SLC12A1: variants seen among roughly 807,000 people sequenced by gnomAD.
The protein encoded by SLC12A1 is Na-K-2Cl cotransporter.
A neutral mutation model predicts 130.4 loss-of-function variants in SLC12A1; 89 were observed. That is an observed-to-expected ratio of 0.68 (90% CI 0.58 to 0.81). The LOEUF is 0.81. Ranked by LOEUF, SLC12A1 falls within the 40% of genes least tolerant of loss-of-function variation. The pLI, the probability that SLC12A1 is intolerant of heterozygous loss-of-function variation, is 0.00. For missense variants in SLC12A1, 1,310 were observed against 1,336.4 expected (o/e 0.98, Z 0.31); for synonymous variants, 499 against 460.0 (o/e 1.08, Z -1.09).
rs148652869 is a variant in SLC12A1, at chr15:48,275,473, G to C, written c.2485+820G>C. Among the ~76,000 whole-genome samples the C allele has an allele frequency of 4.8e-3, 732 of 152,122 alleles. 8 individuals are homozygous for C. The highest frequency in any genetic ancestry group is 0.044 in the Middle Eastern group (13 of 294). The stretch of plus-strand genomic sequence containing the variant: ...TAGATCAATTATTAGCATTATAATA[G>C]GTATAAATAAGGAATTATGGGAAAG... On this transcript the variant is annotated intron_variant, in intron 20 of 26. Coordinates refer to ENST00000380993, the MANE Select transcript of SLC12A1 (RefSeq NM_000338.3).
chr15:48,295,837 C>A (rs2042172637), intron 24 of SLC12A1, among the ~76,000 whole-genome samples: 1 of 152,176 alleles, frequency 6.6e-6, no homozygotes, highest in East Asian at 1.9e-4. Context: ...TGCCATATTA[C>A]CTTATAAAAC....
chr15:48,238,136 G>C (rs2041460411), intron 9 of SLC12A1, among the ~76,000 whole-genome samples: 1 of 152,214 alleles, frequency 6.6e-6, no homozygotes, highest in Non-Finnish European at 1.5e-5. Flanking sequence ...TACAAGCAAT[G>C]CCTTCTGATA....
chr15:48,223,974 C>T (rs1184769736), intron 4 of SLC12A1: 2 of 152,312 alleles, frequency 1.3e-5, no homozygotes, highest in Non-Finnish European at 2.9e-5. Flanking sequence ...CCAAGAGCTT[C>T]AAAAGAACCA....
Position 48,234,939 on chromosome 15 carries a change from T to G in SLC12A1, c.1150T>G (p.Phe384Val). Reference sequence around the variant, plus strand: ...AAAGGGTGAAGGCTTCTTCTCTGTCTTTGCCATTTTTTTCCCAGCAGCTAC... The same window carrying G: ...AAAGGGTGAAGGCTTCTTCTCTGTCGTTGCCATTTTTTTCCCAGCAGCTAC... ...FTKGEGFFSV[F>V]AIFFPAATGI... is the part of the protein sequence containing the mutation. The change falls in exon 9 of 27, where the codon TTT becomes GTT. Residue 384 changes from phenylalanine to valine, a missense_variant. Phe to Val is a conservative substitution (Grantham distance 50, BLOSUM62 -1). Coordinates refer to ENST00000380993, the MANE Select transcript of SLC12A1 (RefSeq NM_000338.3). 2 of 1,613,884 alleles carry G rather than the reference T, an allele frequency of 1.2e-6. No homozygotes were observed. The highest frequency in any genetic ancestry group is 4.5e-5 in the East Asian group (2 of 44,872).
intron 9 of SLC12A1, chr15:48,237,493 T>A (rs2041453142): frequency 6.6e-6 from 1 of 152,296 alleles, no homozygotes; most frequent in Admixed American, 6.5e-5. Flanking sequence ...GAAGAAGTTT[T>A]TATTTATTTA....
chr15:48,275,959 T>C (rs6493317), intron 20 of SLC12A1, among the ~76,000 whole-genome samples: 49,642 of 152,076 alleles, frequency 0.33, 10,422 homozygotes, highest in African/African-American at 0.58. Context: ...TGGAAATAGA[T>C]AAATCAAAGA....
intron 4 of SLC12A1, chr15:48,226,245 T>C: frequency 2.2e-6 from 1 of 460,342 alleles, no homozygotes; most frequent in South Asian, 4.0e-5. Context: ...CCTTTCCAAG[T>C]CTGCACTTTC....
Position 48,291,797 on chromosome 15 carries a change from A to G in SLC12A1, c.2893A>G (p.Lys965Glu), listed in dbSNP as rs1194534236. 1 of 1,564,372 alleles carries G rather than the reference A, an allele frequency of 6.4e-7. No homozygotes were observed. Among genetic ancestry groups the G allele is most frequent in the Non-Finnish European group, 8.7e-7 (1 of 1,152,534 alleles). The part of the protein sequence containing the change: ...EKIVMASLLS[K>E]FRIKFADIHI... ...TTTCAGAATGGCTTCCCTTCTGAGC[A>G]AATTTAGGATAAAATTTGCAGACAT... Residue 965 changes from lysine (K) to glutamate (E), a missense_variant, in exon 24 of 27, where the codon AAA becomes GAA. Transcript: ENST00000380993.
rs201824733 is a variant in SLC12A1, at chr15:48,229,345, C to G, written c.864+17C>G. ...CTTCTTAAGGTAATTAAAAGCTTTT[C>G]TTTTTTTCTGCCAAGCAGCATAATT... On this transcript the variant is annotated intron_variant, in intron 6 of 26. Transcript: ENST00000380993. The G allele has an allele frequency of 4.6e-5, 73 of 1,575,378 alleles. 1 individual carries two copies. In the East Asian group the frequency reaches 1.7e-3, roughly 36 times the overall value.
At position 48,271,523 on chromosome 15, in the gene SLC12A1, T is replaced by TATTTAGCAG. The variant is rs1555385359; in HGVS notation, c.2402+1764_2402+1765insGCAGATTTA. On this transcript the variant is annotated intron_variant, in intron 19 of 26. Coordinates refer to ENST00000380993, the MANE Select transcript of SLC12A1 (RefSeq NM_000338.3). ...ATTATAATCATAACATTTATCATTA[T>TATTTAGCAG]ATTTATGCAACATATTAACAAAAGT... 5.9e-5 allele frequency among the ~76,000 whole-genome samples: 9 copies of TATTTAGCAG among 151,780 alleles called. No individual in the cohort carries two copies. The East Asian group carries it at 1.2e-3, about 20-fold the overall frequency.
chr15:48,245,761 A>G (rs2041572031), intron 11 of SLC12A1, among the ~76,000 whole-genome samples: 1 of 152,184 alleles, frequency 6.6e-6, no homozygotes, highest in African/African-American at 2.4e-5. Flanking sequence ...GTTGAATGAT[A>G]TATTTTCTTT....
At chr15:48,226,454 T>A (rs572130191) in intron 4 of SLC12A1, 22 bp from the exon 5 acceptor site, 2 of 1,412,150 alleles carry the variant, frequency 1.4e-6, no homozygotes, top group East Asian at 2.3e-5. Flanking sequence ...ATGCAATATC[T>A]TCTATCTTTC....
At chr15:48,301,709 C>T (rs113630041) in intron 26 of SLC12A1, among the ~76,000 whole-genome samples, 2 of 152,140 alleles carry the variant, frequency 1.3e-5, no homozygotes, top group East Asian at 1.9e-4. Flanking sequence ...CACAAGTCAG[C>T]GACCACAGCT....
intron 20 of SLC12A1, among the ~76,000 whole-genome samples, chr15:48,282,697 G>A (rs768599750): frequency 2.6e-5 from 4 of 152,066 alleles, no homozygotes; most frequent in African/African-American, 4.8e-5. Context: ...ATATAGAACC[G>A]TATCTTTAGG....
chr15:48,298,920 A>G (rs1241560722), intron 24 of SLC12A1, among the ~76,000 whole-genome samples: 1 of 152,256 alleles, frequency 6.6e-6, no homozygotes, highest in Non-Finnish European at 1.5e-5. Context: ...CTAATAGGCT[A>G]ACAAGGCCTT....
rs1401998734 is a variant in SLC12A1 at position 48,252,220 on chromosome 15, A to G, written c.1942+450A>G. On this transcript the variant is annotated intron_variant, in intron 15 of 26. Coordinates refer to ENST00000380993, the MANE Select transcript of SLC12A1 (RefSeq NM_000338.3). ...CTCTGTCTCAAAAAATAAGAATAAG[A>G]ATAAGAATAACAATAGTTAACCTTG... Among the ~76,000 whole-genome samples the G allele has an allele frequency of 3.9e-5, 6 of 152,314 alleles. No individual in the cohort carries two copies. The East Asian group carries it at 9.6e-4, about 24-fold the overall frequency.
At chr15:48,225,776 C>T (rs977365954) in intron 4 of SLC12A1, 1 of 356,622 alleles carries the variant, frequency 2.8e-6, no homozygotes, top group African/African-American at 2.2e-5. Context: ...TTACCCTAGA[C>T]TTGCTGGTTT....
chr15:48,272,882 C>G (rs1377010571), intron 19 of SLC12A1, among the ~76,000 whole-genome samples: 1 of 151,994 alleles, frequency 6.6e-6, no homozygotes, highest in Non-Finnish European at 1.5e-5. Context: ...CCAAGGTGGG[C>G]AGATCACTTG....
intron 15 of SLC12A1, among the ~76,000 whole-genome samples, chr15:48,254,429 G>A (rs1437363830): frequency 3.3e-5 from 5 of 151,610 alleles, no homozygotes; most frequent in Non-Finnish European, 7.4e-5. Flanking sequence ...AATCAATATT[G>A]ATCTTCTTTA....
Sources: gnomAD v4.1 joint callset for allele counts (sites outside exome capture counted in the v4.1 genomes callset) on GRCh38, gnomAD v4.1.1 for gene constraint, MANE v1.5 for transcripts, NCBI Gene and HGNC (gene_info 2026-07-23, HGNC 2026-07-21) for gene names.